PARD3: variants seen among roughly 807,000 people sequenced by gnomAD.
PARD3 encodes the protein par-3 family cell polarity regulator.
In PARD3, 75 loss-of-function variants were observed where a neutral mutation model predicts 155.4. That is an observed-to-expected ratio of 0.48 (90% CI 0.40 to 0.58). The LOEUF is 0.58. Among genes scored for constraint, PARD3 ranks in the 20% least tolerant of loss-of-function variants. PARD3 has a pLI of 0.00. For missense variants in PARD3, 1,642 were observed against 1,721.7 expected (o/e 0.95, Z 0.82); for synonymous variants, 576 against 610.5 (o/e 0.94, Z 0.83).
chr10:34,241,707 C>T (rs1953608265), intron 22 of PARD3, among the ~76,000 whole-genome samples: 1 of 152,112 alleles, frequency 6.6e-6, no homozygotes, highest in Non-Finnish European at 1.5e-5. Context: ...GTACTACCAC[C>T]ACTTGAGCCT....
intron 2 of PARD3, among the ~76,000 whole-genome samples, chr10:34,631,697 G>A (rs1242003721): frequency 6.6e-6 from 1 of 152,160 alleles, no homozygotes; most frequent in Non-Finnish European, 1.5e-5. Context: ...TCAACCTCCT[G>A]CACTCAAGCA....
intron 5 of PARD3, among the ~76,000 whole-genome samples, chr10:34,431,567 C>T (rs1221739409): frequency 2.0e-5 from 3 of 151,392 alleles, no homozygotes; most frequent in African/African-American, 7.3e-5. Flanking sequence ...ATGGTGAAAC[C>T]CTGTCTCTTC....
At chr10:34,549,024 C>T (rs183408766) in intron 2 of PARD3, among the ~76,000 whole-genome samples, 1 of 152,232 alleles carries the variant, frequency 6.6e-6, no homozygotes, top group Non-Finnish European at 1.5e-5. Context: ...AAACTGCAAC[C>T]AACAGGTAAC....
chr10:34,290,982 A>G (rs1785166890), intron 20 of PARD3, among the ~76,000 whole-genome samples: 1 of 152,140 alleles, frequency 6.6e-6, no homozygotes, highest in Admixed American at 6.5e-5. Flanking sequence ...TCATTCCTCT[A>G]TTCCTCTGAG....
intron 22 of PARD3, among the ~76,000 whole-genome samples, chr10:34,153,765 TC>T (rs938120854): frequency 2.0e-5 from 3 of 152,188 alleles, no homozygotes; most frequent in Non-Finnish European, 4.4e-5. Context: ...ACCTCTTTTT[TC>T]CCCCTTACCC....
intron 1 of PARD3, among the ~76,000 whole-genome samples, chr10:34,711,105 A>C (rs1310172852): frequency 6.6e-6 from 1 of 152,106 alleles, no homozygotes; most frequent in Non-Finnish European, 1.5e-5. Context: ...GAGCCCAAAA[A>C]TTCAAGGCAG....
intron 3 of PARD3, among the ~76,000 whole-genome samples, chr10:34,493,098 T>C (rs999339108): frequency 1.3e-5 from 2 of 152,226 alleles, no homozygotes; most frequent in Non-Finnish European, 2.9e-5. Flanking sequence ...GTTAATGCCT[T>C]AGTCAATCAG....
At chr10:34,138,115 G>A (rs376060800) in intron 22 of PARD3, among the ~76,000 whole-genome samples, 57 of 152,346 alleles carry the variant, frequency 3.7e-4, no homozygotes, top group African/African-American at 1.3e-3. Flanking sequence ...TGTTAGAAGA[G>A]TGGAATCAAA....
chr10:34,681,768 A>T (rs12354838), intron 2 of PARD3, among the ~76,000 whole-genome samples: 79 of 17,396 alleles, frequency 4.5e-3, no homozygotes, highest in South Asian at 0.01. Context: ...ATATATATAT[A>T]TTTTTTTTTT....
intron 20 of PARD3, among the ~76,000 whole-genome samples, chr10:34,306,310 AT>A (rs1291954568): frequency 1.3e-5 from 2 of 151,504 alleles, no homozygotes; most frequent in Non-Finnish European, 2.9e-5. Context: ...ATGTTTTTTA[AT>A]TTACAAAAAT....
intron 2 of PARD3, among the ~76,000 whole-genome samples, chr10:34,606,484 T>C (rs796954430): frequency 6.6e-6 from 1 of 151,432 alleles, no homozygotes; most frequent in Non-Finnish European, 1.5e-5. Flanking sequence ...ACTTGGAAAA[T>C]AAAGAAGCTA....
intron 20 of PARD3, among the ~76,000 whole-genome samples, chr10:34,315,386 G>A (rs1957947184): frequency 6.6e-6 from 1 of 152,130 alleles, no homozygotes; most frequent in Non-Finnish European, 1.5e-5. Context: ...TAAGATATTA[G>A]AAGTATATTT....
At chr10:34,252,908 C>T (rs906824043) in intron 22 of PARD3, among the ~76,000 whole-genome samples, 3 of 152,118 alleles carry the variant, frequency 2.0e-5, no homozygotes, top group Non-Finnish European at 2.9e-5. Flanking sequence ...AATCAACTGA[C>T]ATACTGTTTC....
intron 4 of PARD3, among the ~76,000 whole-genome samples, chr10:34,466,318 ATAGTGGAATGAGAT>A (rs1199873712): frequency 6.6e-6 from 1 of 152,168 alleles, no homozygotes; most frequent in African/African-American, 2.4e-5. Flanking sequence ...CACTAAGCTA[ATAGTGGAATGAGAT>A]TATGACCACT....
At chr10:34,248,534 A>T (rs1954100954) in intron 22 of PARD3, among the ~76,000 whole-genome samples, 1 of 152,266 alleles carries the variant, frequency 6.6e-6, no homozygotes, top group African/African-American at 2.4e-5. Flanking sequence ...AAAAATGGAA[A>T]TACAGATGAA....
chr10:34,602,551 T>C (rs780545465), intron 2 of PARD3, among the ~76,000 whole-genome samples: 4 of 151,392 alleles, frequency 2.6e-5, no homozygotes, highest in Non-Finnish European at 4.4e-5. Context: ...TAGAATGGAG[T>C]AAAAAAGAAA....
At chr10:34,351,808 AACAG>A (rs1838115623) in intron 14 of PARD3, among the ~76,000 whole-genome samples, 1 of 152,268 alleles carries the variant, frequency 6.6e-6, no homozygotes, top group Non-Finnish European at 1.5e-5. Flanking sequence ...GTGTAAGAGA[AACAG>A]ACATTTTGCT....
chr10:34,416,280 T>A (rs1845668643), intron 5 of PARD3, among the ~76,000 whole-genome samples: 1 of 152,178 alleles, frequency 6.6e-6, no homozygotes, highest in African/African-American at 2.4e-5. Context: ...AATCTTGTCA[T>A]GTCACAGTCA....
intron 5 of PARD3, among the ~76,000 whole-genome samples, chr10:34,414,783 T>C (rs1219673586): frequency 1.3e-5 from 2 of 152,014 alleles, no homozygotes; most frequent in African/African-American, 4.8e-5. Flanking sequence ...TCTATGGATA[T>C]AACAAAATAT....
Sources: gnomAD v4.1 joint callset for allele counts (sites outside exome capture counted in the v4.1 genomes callset) on GRCh38, gnomAD v4.1.1 for gene constraint, MANE v1.5 for transcripts, NCBI Gene and HGNC (gene_info 2026-07-23, HGNC 2026-07-21) for gene names.